Variants in DACH2 observed in about 807,000 individuals in gnomAD.
The protein encoded by DACH2 is dachshund family transcription factor 2.
In DACH2, 17 loss-of-function variants were observed where a neutral mutation model predicts 35.8. That is an observed-to-expected ratio of 0.48 (90% CI 0.33 to 0.71). The LOEUF (loss-of-function observed/expected upper bound fraction) is 0.71, where lower values mean the gene tolerates loss of function less well. Ranked by LOEUF, DACH2 falls within the 30% of genes least tolerant of loss-of-function variation. The pLI is 0.02. For missense variants in DACH2, 469 were observed against 472.7 expected, an observed-to-expected ratio of 0.99 and a Z score of 0.07; for synonymous variants, 195 against 177.3, an observed-to-expected ratio of 1.10 and a Z score of -0.79.
At chrX:86,296,989 G>T (rs1335013441) in intron 1 of DACH2, among the ~76,000 whole-genome samples, 1 of 105,732 alleles carries the variant, frequency 9.5e-6, no homozygotes, top group Non-Finnish European at 1.9e-5. Flanking sequence ...TACGTTTTCT[G>T]GCTTCAGAGT....
rs181629306 is a variant in DACH2, at chrX:86,723,586, A to G, written c.1104+8866A>G. ...CTCAAGAGCATGTTGTTTAATTTCC[A>G]TATATTTGTAGTTTCCTTAGTTTTC... On this transcript the variant is annotated intron_variant, in intron 6 of 11. Coordinates refer to ENST00000373125, the MANE Select transcript of DACH2 (RefSeq NM_053281.3). Among the ~76,000 whole-genome samples the G allele has an allele frequency of 4.7e-3, 524 of 111,700 alleles. 3 individuals are homozygous for G. The highest frequency in any genetic ancestry group is 0.016 in the African/African-American group (497 of 30,834).
chrX:86,831,975 A>G lies in DACH2; in HGVS notation c.1751-131A>G. On this transcript the variant is annotated intron_variant, in intron 11 of 11. Coordinates refer to ENST00000373125, the MANE Select transcript of DACH2 (RefSeq NM_053281.3). ...ATATAGAAATGTTAAGAAATGTTAA[A>G]TTTTACCAACACTAAATTGAGCCTG... 3 of 428,359 alleles carry G rather than the reference A, an allele frequency of 7.0e-6. No individual in the cohort carries two copies. In the East Asian group the frequency reaches 1.2e-4, roughly 17 times the overall value. 35.3% of individuals were successfully genotyped at this position (428,359 alleles called of 1,213,427 possible).
At chrX:86,187,060 A>G (rs2031702381) in intron 1 of DACH2, among the ~76,000 whole-genome samples, 1 of 112,180 alleles carries the variant, frequency 8.9e-6, no homozygotes, top group African/African-American at 3.2e-5. Context: ...TTTTATTGCC[A>G]TATAACTCAG....
chrX:86,254,795 TATATATATATATAGAG>T (rs1180515443), intron 1 of DACH2, among the ~76,000 whole-genome samples: 2 of 66,891 alleles, frequency 3.0e-5, no homozygotes, highest in Admixed American at 1.7e-4. Flanking sequence ...TATATATATA[TATATATATATATAGAG>T]AGAGAGAGAG....
intron 2 of DACH2, among the ~76,000 whole-genome samples, chrX:86,501,498 C>T (rs1602586577): frequency 9.0e-6 from 1 of 111,533 alleles, no homozygotes; most frequent in Non-Finnish European, 1.9e-5. Flanking sequence ...ATGCAAAACC[C>T]CTTCCTTTCC....
At chrX:86,816,148 C>A (rs12837683) in intron 11 of DACH2, 49 bp downstream of exon 11, 9 of 911,387 alleles carry the variant, frequency 9.9e-6, no homozygotes, top group African/African-American at 2.1e-5. Context: ...TATGTGACCC[C>A]TGGGGATGAG....
chrX:86,566,927 G>A (rs1486587769), intron 3 of DACH2, among the ~76,000 whole-genome samples: 1 of 111,971 alleles, frequency 8.9e-6, no homozygotes, highest in Non-Finnish European at 1.9e-5. Flanking sequence ...CAGGTTGCCT[G>A]AATTCTACTT....
At chrX:86,695,419 A>G (rs2041056040) in intron 5 of DACH2, among the ~76,000 whole-genome samples, 1 of 110,115 alleles carries the variant, frequency 9.1e-6, no homozygotes, top group Non-Finnish European at 1.9e-5. Flanking sequence ...GTAGAGGTAC[A>G]TAAGTAGAGG....
intron 4 of DACH2, among the ~76,000 whole-genome samples, chrX:86,691,807 G>A (rs1184817916): frequency 8.9e-6 from 1 of 111,840 alleles, no homozygotes; most frequent in East Asian, 2.8e-4. Flanking sequence ...GCTAACTACT[G>A]CATTTGGAGG....
At chrX:86,292,991 C>G (rs1392092567) in intron 1 of DACH2, among the ~76,000 whole-genome samples, 13 of 100,491 alleles carry the variant, frequency 1.3e-4, no homozygotes, top group Non-Finnish European at 2.6e-4. Context: ...TGTTGACTTT[C>G]TGTCTCGTTG....
chrX:86,174,522 C>T (rs1220087197), intron 1 of DACH2, among the ~76,000 whole-genome samples: 2 of 111,366 alleles, frequency 1.8e-5, no homozygotes, highest in African/African-American at 6.5e-5. Flanking sequence ...GAGCCTTTTG[C>T]CCATAGTTGA....
chrX:86,476,746 T>C (rs1297811784), intron 2 of DACH2, among the ~76,000 whole-genome samples: 1 of 111,868 alleles, frequency 8.9e-6, no homozygotes, highest in Non-Finnish European at 1.9e-5. Context: ...TTAGGTTGTG[T>C]ATTTGAAGTT....
intron 1 of DACH2, among the ~76,000 whole-genome samples, chrX:86,157,452 T>A (rs751867155): frequency 1.3e-4 from 15 of 111,824 alleles, no homozygotes; most frequent in African/African-American, 2.9e-4. Context: ...GCCTTTTTTT[T>A]ATGATTTCTC....
intron 1 of DACH2, among the ~76,000 whole-genome samples, chrX:86,276,766 C>T: frequency 8.9e-6 from 1 of 112,221 alleles, no homozygotes; most frequent in Non-Finnish European, 1.9e-5. Context: ...ATTTTCCCAG[C>T]ACTCTTTACT....
At chrX:86,291,468 A>T (rs865856054) in intron 1 of DACH2, among the ~76,000 whole-genome samples, 2 of 103,466 alleles carry the variant, frequency 1.9e-5, no homozygotes, top group Middle Eastern at 9.6e-3. Context: ...TATATTGAAT[A>T]GGAGTGGTGA....
At chrX:86,747,032 CA>C (rs1445200102) in intron 7 of DACH2, among the ~76,000 whole-genome samples, 1 of 111,821 alleles carries the variant, frequency 8.9e-6, no homozygotes, top group Non-Finnish European at 1.9e-5. Flanking sequence ...TCTGGACACT[CA>C]ATTATGTTTA....
intron 3 of DACH2, among the ~76,000 whole-genome samples, chrX:86,530,018 T>C (rs1224119255): frequency 1.9e-5 from 2 of 106,012 alleles, no homozygotes; most frequent in African/African-American, 6.9e-5. Context: ...CACATTTTCT[T>C]TATCCATTCA....
Position 86,812,914 on chromosome X carries a change from T to A in DACH2, c.1299T>A (p.Thr433=), listed in dbSNP as rs750007305. The change falls in exon 8 of 12, where the codon ACT becomes ACA. Residue 433 remains threonine (T), a synonymous_variant. Coordinates refer to ENST00000373125, the MANE Select transcript of DACH2 (RefSeq NM_053281.3). ...MKSPLDKIQL[T]PGQALPAGFP... is the part of the protein sequence containing the mutation. ...CACCCTTGGACAAGATACAGCTGACTCCTGGGCAGGCATTGCCCGCTGGAT... is the reference window on the plus strand; with the variant it reads ...CACCCTTGGACAAGATACAGCTGACACCTGGGCAGGCATTGCCCGCTGGAT... The A allele has an allele frequency of 2.2e-5, 27 of 1,206,260 alleles. No homozygotes were observed. In the East Asian group the frequency reaches 7.7e-4, roughly 34 times the overall value.
At chrX:86,176,274 T>C (rs2031299305) in intron 1 of DACH2, among the ~76,000 whole-genome samples, 1 of 111,195 alleles carries the variant, frequency 9.0e-6, no homozygotes, top group Non-Finnish European at 1.9e-5. Flanking sequence ...CAAAGGATTG[T>C]TGGAGTACTA....
Sources: gnomAD v4.1 joint callset for allele counts (sites outside exome capture counted in the v4.1 genomes callset) on GRCh38, gnomAD v4.1.1 for gene constraint, MANE v1.5 for transcripts, NCBI Gene and HGNC (gene_info 2026-07-23, HGNC 2026-07-21) for gene names.